Variants in LRRC38 observed in about 807,000 individuals in gnomAD.
The protein encoded by LRRC38 is leucine-rich repeat-containing protein 38.
LRRC38 carries 5 observed loss-of-function variants against 16.4 expected under a neutral mutation model. The observed-to-expected ratio is 0.31, with a 90% CI of 0.16 to 0.64. The LOEUF (loss-of-function observed/expected upper bound fraction) is 0.64. Among genes scored for constraint, LRRC38 ranks in the 30% least tolerant of loss-of-function variants. LRRC38 has a pLI of 0.80. For missense variants in LRRC38, 341 were observed against 401.8 expected (o/e 0.85, Z 1.29); for synonymous variants, 191 against 190.2 (o/e 1.00, Z -0.04).
At chr1:13,493,395 C>T (rs1639041522) in intron 1 of LRRC38, among the ~76,000 whole-genome samples, 1 of 152,094 alleles carries the variant, frequency 6.6e-6, no homozygotes, top group Non-Finnish European at 1.5e-5. Context: ...GAAGACCTCG[C>T]CATTATCTGA....
chr1:13,495,768 T>G (rs1639073357), intron 1 of LRRC38, among the ~76,000 whole-genome samples: 1 of 152,150 alleles, frequency 6.6e-6, no homozygotes, highest in African/African-American at 2.4e-5. Flanking sequence ...TTCAGAGCCC[T>G]AATGCGGTTA....
intron 1 of LRRC38, among the ~76,000 whole-genome samples, chr1:13,511,438 G>GAGGCCCAAATGGGACAAGTGGCCTGTTCA (rs1639273166): frequency 2.6e-5 from 4 of 152,064 alleles, no homozygotes; most frequent in African/African-American, 9.7e-5. Flanking sequence ...TGAGGAAACT[G>GAGGCCCAAATGGGACAAGTGGCCTGTTCA]AGGCCCAAAT....
intron 1 of LRRC38, among the ~76,000 whole-genome samples, chr1:13,481,744 TG>T (rs1557495176): frequency 6.1e-5 from 9 of 147,718 alleles, no homozygotes; most frequent in African/African-American, 2.3e-4. Context: ...AATCTGTCTC[TG>T]CCTCTCACTT....
intron 1 of LRRC38, among the ~76,000 whole-genome samples, chr1:13,494,890 G>A (rs1353340528): frequency 4.6e-5 from 7 of 152,236 alleles, no homozygotes; most frequent in Admixed American, 1.3e-4. Context: ...GGTCAGCCTC[G>A]CTGTCCCAGG....
At position 13,513,275 on chromosome 1, in the gene LRRC38, C is replaced by G. The variant is rs149475966; in HGVS notation, c.319G>C (p.Val107Leu). ...EGTFSGSAKL[V>L]FLDLSYNNLT... Reference sequence around the variant, plus strand: ...TTGTTGTAGCTGAGGTCGAGGAACACGAGCTTGGCCGAGCCGCTGAACGTG... The same window carrying G: ...TTGTTGTAGCTGAGGTCGAGGAACAGGAGCTTGGCCGAGCCGCTGAACGTG... The change falls in exon 1 of 2, where the codon GTG (valine) becomes CTG (leucine). Residue 107 changes from valine (V) to leucine (L), a missense_variant. Transcript: ENST00000376085. The G allele has an allele frequency of 6.4e-6, 10 of 1,550,520 alleles. No homozygotes were observed. Among genetic ancestry groups the G allele is most frequent in the African/African-American group, 1.4e-5 (1 of 73,058 alleles).
intron 1 of LRRC38, among the ~76,000 whole-genome samples, chr1:13,507,183 T>G (rs971233270): frequency 6.6e-6 from 1 of 152,178 alleles, no homozygotes; most frequent in African/African-American, 2.4e-5. Context: ...AAGCTTGCAG[T>G]TGGCTTGGCA....
chr1:13,476,897 G>A (rs1008579474), intron 1 of LRRC38, among the ~76,000 whole-genome samples: 2 of 152,000 alleles, frequency 1.3e-5, no homozygotes, highest in African/African-American at 2.4e-5. Flanking sequence ...TCAGGAGTTC[G>A]GGACCAGCCT....
rs1639296224 is a variant in LRRC38 at position 13,513,241 on chromosome 1, T to A, written c.353A>T (p.Gln118Leu). Residue 118 changes from glutamine (Q) to leucine (L), a missense_variant, in exon 1 of 2, where the codon CAG (glutamine) becomes CTG (leucine). Transcript: ENST00000376085. Reference sequence around the variant, plus strand: ...CGAGCGGAAGGCGCCGGCGCCCAGCTGGGTCAAGTTGTTGTAGCTGAGGTC... The same window carrying A: ...CGAGCGGAAGGCGCCGGCGCCCAGCAGGGTCAAGTTGTTGTAGCTGAGGTC... ...FLDLSYNNLT[Q>L]LGAGAFRSAG... is the part of the protein sequence containing the mutation. 1 of 1,550,270 alleles carries A rather than the reference T, an allele frequency of 6.5e-7. No individual in the cohort carries two copies. The highest frequency in any genetic ancestry group is 8.7e-7 in the Non-Finnish European group (1 of 1,146,938).
At chr1:13,498,712 G>T (rs533099106) in intron 1 of LRRC38, among the ~76,000 whole-genome samples, 2 of 152,302 alleles carry the variant, frequency 1.3e-5, no homozygotes, top group African/African-American at 4.8e-5. Context: ...CCCACTCCCT[G>T]CCTCTGGCAA....
Position 13,513,614 on chromosome 1 carries a change from CCGCGGCGAG to C in LRRC38, c.-30_-22del. ...CGCATGGCCGGGGGGCCCGCGCCGG[CCGCGGCGAG>C]AAGGAAGCGGCTCTCGGAGCGAGCC... On this transcript the variant is annotated 5_prime_UTR_variant, in exon 1 of 2. Transcript: ENST00000376085. 1.9e-6 allele frequency: 2 copies of C among 1,070,138 alleles called. No homozygotes were observed. Among genetic ancestry groups the C allele is most frequent in the Non-Finnish European group, 2.3e-6 (2 of 886,654 alleles). The allele number at this position is 1,070,138 out of a possible 1,614,324, so 66.3% of individuals were successfully genotyped here.
At chr1:13,485,932 G>A (rs1638926642) in intron 1 of LRRC38, among the ~76,000 whole-genome samples, 1 of 152,066 alleles carries the variant, frequency 6.6e-6, no homozygotes, top group African/African-American at 2.4e-5. Context: ...TCCAGCTTCT[G>A]GTGGTTCTTT....
At chr1:13,499,229 G>C (rs1335370560) in intron 1 of LRRC38, among the ~76,000 whole-genome samples, 17 of 152,116 alleles carry the variant, frequency 1.1e-4, no homozygotes. Context: ...CTCCCGAGTA[G>C]CTGGGATTAC....
In LRRC38 at chr1:13,509,852, C is replaced by T. The variant is rs151016842; in HGVS notation, c.631+3111G>A. Among the ~76,000 whole-genome samples, 77 of 152,282 alleles carry T rather than the reference C, an allele frequency of 5.1e-4. No individual in the cohort carries two copies. In the East Asian group the frequency reaches 0.014, roughly 27 times the overall value. ...CCACCATGAGTGAGTTACTGCACCA[C>T]AGAGCCAGCGAAAAGCCCCATGCAC... is the stretch of plus-strand genomic sequence containing the variant. On this transcript the variant is annotated intron_variant, in intron 1 of 1. Coordinates refer to ENST00000376085, the MANE Select transcript of LRRC38 (RefSeq NM_001010847.2).
chr1:13,482,414 T>G (rs913505327), intron 1 of LRRC38, among the ~76,000 whole-genome samples: 1 of 151,822 alleles, frequency 6.6e-6, no homozygotes, highest in South Asian at 2.1e-4. Context: ...CTGTCTCTAC[T>G]AAAAATAACA....
chr1:13,481,408 T>C (rs974569692), intron 1 of LRRC38, among the ~76,000 whole-genome samples: 1 of 151,638 alleles, frequency 6.6e-6, no homozygotes, highest in Non-Finnish European at 1.5e-5. Flanking sequence ...TGTTCTTTTT[T>C]TGAGATGGAG....
intron 1 of LRRC38, 39 bp downstream of exon 1, chr1:13,512,924 C>CG: frequency 2.5e-6 from 3 of 1,215,338 alleles, no homozygotes; most frequent in Non-Finnish European, 3.4e-6. Flanking sequence ...TCTCCCTGCC[C>CG]CCCTCCCTCC....
chr1:13,493,251 C>G (rs371639), intron 1 of LRRC38, among the ~76,000 whole-genome samples: 1 of 151,830 alleles, frequency 6.6e-6, no homozygotes, highest in South Asian at 2.1e-4. Flanking sequence ...CACCTGGTGG[C>G]CTTCAGCGGG....
At chr1:13,481,719 C>T (rs1638861510) in intron 1 of LRRC38, among the ~76,000 whole-genome samples, 1 of 151,670 alleles carries the variant, frequency 6.6e-6, no homozygotes, top group Non-Finnish European at 1.5e-5. Flanking sequence ...AGAAGAGACA[C>T]CAGAGAGCTC....
intron 1 of LRRC38, among the ~76,000 whole-genome samples, chr1:13,509,296 C>T (rs950170372): frequency 5.9e-5 from 9 of 152,100 alleles, no homozygotes; most frequent in Non-Finnish European, 2.9e-5. Context: ...AAGGGAGGTG[C>T]AAGAGGGTGC....
Sources: allele counts gnomAD v4.1 joint callset (sites outside exome capture counted in the v4.1 genomes callset), GRCh38; gene constraint gnomAD v4.1.1; transcripts MANE v1.5; gene names NCBI Gene and HGNC (gene_info 2026-07-23, HGNC 2026-07-21).